The following ZMAT5 variants were observed in gnomAD, a reference collection of about 807,000 sequenced individuals.
The protein encoded by ZMAT5 is zinc finger matrin-type protein 5.
ZMAT5 carries 23 observed loss-of-function variants against 28.0 expected under a neutral mutation model. That is an observed-to-expected ratio of 0.82 (90% CI 0.59 to 1.16). The LOEUF (loss-of-function observed/expected upper bound fraction) is 1.16, where lower values mean the gene tolerates loss of function less well. Ranked by LOEUF, ZMAT5 falls within the 50% of genes most tolerant of loss-of-function variation. ZMAT5 has a pLI of 0.00. For missense variants in ZMAT5, 173 were observed against 212.7 expected (o/e 0.81, Z 1.16); for synonymous variants, 76 against 84.1 (o/e 0.90, Z 0.52).
At position 29,748,508 on chromosome 22, in the gene ZMAT5, A is replaced by G. The variant is rs953532652; in HGVS notation, c.37T>C (p.Ser13Pro). The change falls in exon 2 of 6, where the codon TCC becomes CCC. Residue 13 changes from serine (S) to proline (P), a missense_variant. Ser to Pro is a moderately conservative substitution (Grantham distance 74, BLOSUM62 -1). Transcript: ENST00000344318. ...KRYFCDYCDR[S>P]FQDNLHNRKK... ...CGGTTGTGGAGGTTGTCCTGGAAGG[A>G]GCGGTCGCAGTAGTCACAGAAGTAT... is the stretch of plus-strand genomic sequence containing the variant. 6.2e-7 allele frequency: 1 copy of G among 1,614,168 alleles called. No individual in the cohort carries two copies. Among genetic ancestry groups the G allele is most frequent in the Non-Finnish European group, 8.5e-7 (1 of 1,180,032 alleles).
chr22:29,742,603 C>A, intron 2 of ZMAT5, 123 bp from the exon 3 acceptor site: 1 of 908,858 alleles, frequency 1.1e-6, no homozygotes, highest in Non-Finnish European at 1.7e-6. Flanking sequence ...AGAAGAGTTT[C>A]CTGTTCCACG....
At chr22:29,763,045 C>T (rs776399149) in intron 1 of ZMAT5, among the ~76,000 whole-genome samples, 2 of 151,806 alleles carry the variant, frequency 1.3e-5, no homozygotes, top group East Asian at 1.9e-4. Context: ...TTAAATTAGG[C>T]TGGGTGGGAG....
chr22:29,734,075 G>GC (rs1439171532), intron 5 of ZMAT5, among the ~76,000 whole-genome samples: 1 of 152,212 alleles, frequency 6.6e-6, no homozygotes, highest in Non-Finnish European at 1.5e-5. Flanking sequence ...GGATGGCAGC[G>GC]CCCGCCCAGA....
intron 2 of ZMAT5, among the ~76,000 whole-genome samples, chr22:29,745,257 G>C (rs1383962129): frequency 6.6e-6 from 1 of 152,196 alleles, no homozygotes; most frequent in Non-Finnish European, 1.5e-5. Flanking sequence ...GTGGTGGGGG[G>C]GCCTGGCTTG....
Position 29,731,364 on chromosome 22 carries a change from G to C in ZMAT5, c.384-10C>G. On this transcript the variant is annotated splice_polypyrimidine_tract_variant and intron_variant, in intron 5 of 5. Coordinates refer to ENST00000344318, the MANE Select transcript of ZMAT5 (RefSeq NM_001003692.2). Reference sequence around the variant, plus strand: ...TCTGATGGGTTCAGCCCTAGAGAGAGAGAGAGAAGCGGGGAGAATAAGAGT... The same window carrying C: ...TCTGATGGGTTCAGCCCTAGAGAGACAGAGAGAAGCGGGGAGAATAAGAGT... The C allele has an allele frequency of 5.2e-6, 8 of 1,544,344 alleles. No individual in the cohort carries two copies. Among genetic ancestry groups the C allele is most frequent in the Non-Finnish European group, 6.9e-6 (8 of 1,154,446 alleles).
In ZMAT5 at chr22:29,748,207, C is replaced by G. The variant is rs1385642141; in HGVS notation, c.127+211G>C. 7 of 653,786 alleles carry G rather than the reference C, an allele frequency of 1.1e-5. No homozygotes were observed. In the South Asian group the frequency reaches 1.3e-4, roughly 12 times the overall value. The allele number at this position is 653,786 out of a possible 1,614,324, so 40.5% of individuals were successfully genotyped here. A position where few individuals can be genotyped will look rare whatever the true frequency, so the allele number is the denominator to read the frequency against. The stretch of plus-strand genomic sequence containing the variant: ...AACATCACCTCCTTCTAGGGCCTTC[C>G]TCCTGTCCACAGAGCCTTCAGTCAG... On this transcript the variant is annotated intron_variant, in intron 2 of 5. Coordinates refer to ENST00000344318, the MANE Select transcript of ZMAT5 (RefSeq NM_001003692.2).
At chr22:29,740,586 G>C in intron 4 of ZMAT5, 64 bp downstream of exon 4, 6 of 1,496,672 alleles carry the variant, frequency 4.0e-6, no homozygotes, top group Non-Finnish European at 5.5e-6. Context: ...CAGCTTCCCC[G>C]GTCTCAGAGC....
At chr22:29,743,433 T>C (rs2067982245) in intron 2 of ZMAT5, among the ~76,000 whole-genome samples, 1 of 151,920 alleles carries the variant, frequency 6.6e-6, no homozygotes, top group African/African-American at 2.4e-5. Context: ...TTTTCCTATT[T>C]TTCTTTTCTT....
chr22:29,732,605 T>TG (rs2067860062), intron 5 of ZMAT5, among the ~76,000 whole-genome samples: 2 of 151,006 alleles, frequency 1.3e-5, no homozygotes, highest in South Asian at 4.2e-4. Context: ...CCGGGTGTGG[T>TG]GGGGGGCACC....
At chr22:29,750,638 C>A (rs1314307105) in intron 1 of ZMAT5, among the ~76,000 whole-genome samples, 1 of 152,210 alleles carries the variant, frequency 6.6e-6, no homozygotes, top group Non-Finnish European at 1.5e-5. Flanking sequence ...CAACTGCTCA[C>A]CCTGTGGTCA....
chr22:29,748,179 T>C, intron 2 of ZMAT5: 1 of 565,552 alleles, frequency 1.8e-6, no homozygotes, highest in Non-Finnish European at 3.1e-6. Context: ...AGCTGTTGGC[T>C]CAAACATCAC....
intron 1 of ZMAT5, among the ~76,000 whole-genome samples, chr22:29,755,593 ACT>A (rs2068094709): frequency 6.6e-6 from 1 of 151,802 alleles, no homozygotes; most frequent in South Asian, 2.1e-4. Context: ...TCCTAGAGAC[ACT>A]CTGAGTAGAT....
In ZMAT5 at chr22:29,748,476, C is replaced by T. The variant is rs1317850502; in HGVS notation, c.69G>A (p.Lys23=). ...SFQDNLHNRK[K]HLNGLQHLKA... ...TGAGGTGCTGCAGCCCGTTCAGGTG[C>T]TTCTTGCGGTTGTGGAGGTTGTCCT... The change falls in exon 2 of 6, where the codon AAG becomes AAA. Residue 23 remains lysine, a synonymous_variant. Coordinates refer to ENST00000344318, the MANE Select transcript of ZMAT5 (RefSeq NM_001003692.2). 6.2e-7 allele frequency: 1 copy of T among 1,614,252 alleles called. No individual in the cohort carries two copies.
intron 1 of ZMAT5, among the ~76,000 whole-genome samples, chr22:29,759,331 A>G (rs1295406307): frequency 6.6e-6 from 1 of 152,200 alleles, no homozygotes; most frequent in African/African-American, 2.4e-5. Flanking sequence ...CTACTGCCCA[A>G]GAAAGAACTC....
chr22:29,743,823 C>A (rs1014875710), intron 2 of ZMAT5, among the ~76,000 whole-genome samples: 3 of 152,144 alleles, frequency 2.0e-5, no homozygotes, highest in Non-Finnish European at 4.4e-5. Flanking sequence ...AAGTAGGGTA[C>A]CTGAGGATGG....
At chr22:29,753,973 G>A (rs1005655359) in intron 1 of ZMAT5, among the ~76,000 whole-genome samples, 6 of 152,188 alleles carry the variant, frequency 3.9e-5, no homozygotes, top group Middle Eastern at 3.4e-3. Flanking sequence ...CACATGCAGC[G>A]CCCTGCCAGA....
chr22:29,748,707 C>T, intron 1 of ZMAT5, 136 bp from the exon 2 acceptor site: 3 of 1,187,108 alleles, frequency 2.5e-6, no homozygotes, highest in South Asian at 3.0e-5. Context: ...GAGTGTCAAG[C>T]TGATGAGTAT....
chr22:29,752,678 C>T (rs1455706827), intron 1 of ZMAT5, among the ~76,000 whole-genome samples: 1 of 152,198 alleles, frequency 6.6e-6, no homozygotes, highest in Admixed American at 6.5e-5. Context: ...TTCTAATATC[C>T]AGTGATCAGA....
At chr22:29,764,373 AG>A (rs1178439653) in intron 1 of ZMAT5, among the ~76,000 whole-genome samples, 12 of 152,236 alleles carry the variant, frequency 7.9e-5, no homozygotes, top group Non-Finnish European at 1.8e-4. Context: ...ATGGATGTAA[AG>A]CATTTCACAT....
Sources: gnomAD v4.1 joint callset for allele counts (sites outside exome capture counted in the v4.1 genomes callset) on GRCh38, gnomAD v4.1.1 for gene constraint, MANE v1.5 for transcripts, NCBI Gene and HGNC (gene_info 2026-07-23, HGNC 2026-07-21) for gene names.